IL1RAPL1: variants seen among roughly 807,000 people sequenced by gnomAD.
IL1RAPL1 encodes the protein interleukin 1 receptor accessory protein like 1.
IL1RAPL1 carries 3 observed loss-of-function variants against 48.4 expected under a neutral mutation model. The observed-to-expected ratio is 0.06, with a 90% CI of 0.03 to 0.16. The LOEUF (loss-of-function observed/expected upper bound fraction) is 0.16, where lower values mean the gene tolerates loss of function less well. Ranked by LOEUF, IL1RAPL1 falls within the 10% of genes least tolerant of loss-of-function variation. The probability of loss-of-function intolerance (pLI) is 1.00; values close to 1 mark genes in which losing one functional copy is unlikely to be tolerated. For missense variants in IL1RAPL1, 349 were observed against 530.6 expected, an observed-to-expected ratio of 0.66 and a Z score of 3.36; for synonymous variants, 185 against 187.7, an observed-to-expected ratio of 0.99 and a Z score of 0.12.
chrX:29,224,697 C>A (rs2147552684), intron 2 of IL1RAPL1, among the ~76,000 whole-genome samples: 1 of 111,789 alleles, frequency 8.9e-6, no homozygotes, highest in South Asian at 3.7e-4. Flanking sequence ...TATTATTCTG[C>A]TATGACATTT....
chrX:29,170,984 G>A (rs1196917542), intron 2 of IL1RAPL1, among the ~76,000 whole-genome samples: 1 of 110,970 alleles, frequency 9.0e-6, no homozygotes, highest in African/African-American at 3.3e-5. Flanking sequence ...GTTGCACCCA[G>A]TGTTGTGGGA....
At position 29,205,463 on chromosome X, in the gene IL1RAPL1, C is replaced by G. The variant is rs143251155; in HGVS notation, c.83-77475C>G. 6.8e-4 allele frequency among the ~76,000 whole-genome samples: 75 copies of G among 111,063 alleles called. No homozygotes were observed. In the East Asian group the frequency reaches 0.015, roughly 22 times the overall value. ...ATATTGATGTTATATAGCATGTTAT[C>G]AGCTACATTTTGCATAATCAGTGTG... On this transcript the variant is annotated intron_variant, in intron 2 of 10. Coordinates refer to ENST00000378993, the MANE Select transcript of IL1RAPL1 (RefSeq NM_014271.4).
At chrX:29,094,802 G>A (rs1018616439) in intron 2 of IL1RAPL1, among the ~76,000 whole-genome samples, 2,125 of 18,582 alleles carry the variant, frequency 0.11, no homozygotes, top group Non-Finnish European at 0.13. Flanking sequence ...AAAAAAAAAA[G>A]AAACATCTAT....
chrX:29,306,306 G>A (rs7882653), intron 3 of IL1RAPL1, among the ~76,000 whole-genome samples: 8,892 of 110,182 alleles, frequency 0.081, 934 homozygotes, highest in African/African-American at 0.28. Context: ...CGAGGCAGGC[G>A]GATCACGAGG....
intron 2 of IL1RAPL1, among the ~76,000 whole-genome samples, chrX:29,237,116 T>C (rs369189323): frequency 9.0e-5 from 10 of 111,214 alleles, no homozygotes; most frequent in African/African-American, 2.9e-4. Context: ...AAGTAATATA[T>C]CTGCATGATG....
chrX:29,005,837 G>A (rs1438262243), intron 2 of IL1RAPL1, among the ~76,000 whole-genome samples: 1 of 111,858 alleles, frequency 8.9e-6, no homozygotes, highest in Non-Finnish European at 1.9e-5. Context: ...ATATTCATGT[G>A]TCTTGACATT....
intron 2 of IL1RAPL1, among the ~76,000 whole-genome samples, chrX:29,012,362 G>A (rs1245849765): frequency 1.8e-5 from 2 of 111,363 alleles, no homozygotes; most frequent in African/African-American, 6.5e-5. Flanking sequence ...GGCCAACATA[G>A]TGAAACCCTG....
At chrX:28,702,815 G>A (rs1935316590) in intron 1 of IL1RAPL1, among the ~76,000 whole-genome samples, 1 of 97,906 alleles carries the variant, frequency 1.0e-5, no homozygotes, top group Admixed American at 1.2e-4. Context: ...TGTATTTATT[G>A]TTTCCACTGT....
intron 3 of IL1RAPL1, among the ~76,000 whole-genome samples, chrX:29,306,177 A>G (rs1232413646): frequency 1.8e-5 from 2 of 111,927 alleles, no homozygotes; most frequent in Non-Finnish European, 3.8e-5. Flanking sequence ...TAATTCTCAC[A>G]TGTTTAATTC....
At chrX:29,845,259 A>C (rs917123405) in intron 6 of IL1RAPL1, among the ~76,000 whole-genome samples, 3 of 111,626 alleles carry the variant, frequency 2.7e-5, no homozygotes, top group African/African-American at 9.8e-5. Context: ...TATAGGCAGA[A>C]GACACAATAA....
chrX:28,810,682 A>G (rs751626245), intron 2 of IL1RAPL1, among the ~76,000 whole-genome samples: 14 of 110,548 alleles, frequency 1.3e-4, no homozygotes, highest in Non-Finnish European at 1.7e-4. Flanking sequence ...AAAGGTGAAC[A>G]TGTAGGCCAA....
chrX:29,142,465 A>G (rs899282267), intron 2 of IL1RAPL1, among the ~76,000 whole-genome samples: 9 of 112,022 alleles, frequency 8.0e-5, no homozygotes, highest in African/African-American at 2.9e-4. Flanking sequence ...ATGTGGGAAC[A>G]ACTGGACCTT....
At chrX:29,374,395 C>T (rs113044745) in intron 3 of IL1RAPL1, among the ~76,000 whole-genome samples, 2,187 of 99,721 alleles carry the variant, frequency 0.022, 69 homozygotes, top group African/African-American at 0.076. Context: ...TGCAGTGGCA[C>T]AATGGGCTCA....
intron 6 of IL1RAPL1, among the ~76,000 whole-genome samples, chrX:29,779,250 A>G (rs1461924828): frequency 9.0e-6 from 1 of 111,717 alleles, no homozygotes; most frequent in Non-Finnish European, 1.9e-5. Context: ...CAGGGACCTG[A>G]GATATCTGTT....
At chrX:29,598,997 T>A (rs73219672) in intron 5 of IL1RAPL1, among the ~76,000 whole-genome samples, 2 of 112,137 alleles carry the variant, frequency 1.8e-5, no homozygotes, top group African/African-American at 6.5e-5. Flanking sequence ...CTCTTATGTA[T>A]CTTTTAAAGT....
chrX:29,092,977 C>A (rs771135732), intron 2 of IL1RAPL1, among the ~76,000 whole-genome samples: 13 of 111,669 alleles, frequency 1.2e-4, no homozygotes, highest in African/African-American at 3.3e-4. Flanking sequence ...TTAGAATGGG[C>A]TACGTTATTT....
At chrX:29,884,470 C>G (rs1395322578) in intron 6 of IL1RAPL1, among the ~76,000 whole-genome samples, 2 of 110,836 alleles carry the variant, frequency 1.8e-5, no homozygotes, top group Non-Finnish European at 3.8e-5. Flanking sequence ...CTCCCTCTCA[C>G]TCTTTTTTGC....
At chrX:28,797,658 G>A (rs1361174622) in intron 2 of IL1RAPL1, among the ~76,000 whole-genome samples, 3 of 111,740 alleles carry the variant, frequency 2.7e-5, no homozygotes, top group Non-Finnish European at 5.6e-5. Context: ...CAGCATTTTT[G>A]TCAAAGTCAT....
At chrX:28,927,250 G>T (rs1397851726) in intron 2 of IL1RAPL1, among the ~76,000 whole-genome samples, 2 of 111,339 alleles carry the variant, frequency 1.8e-5, no homozygotes, top group Non-Finnish European at 3.8e-5. Flanking sequence ...AAGTTTACCT[G>T]TTCTCATATC....
Sources: gnomAD v4.1 joint callset for allele counts (sites outside exome capture counted in the v4.1 genomes callset) on GRCh38, gnomAD v4.1.1 for gene constraint, MANE v1.5 for transcripts, NCBI Gene and HGNC (gene_info 2026-07-23, HGNC 2026-07-21) for gene names.